Variants in KLHL14 observed in about 807,000 individuals in gnomAD.
KLHL14 encodes kelch-like protein 14.
In KLHL14, 22 loss-of-function variants were observed where a neutral mutation model predicts 64.3. The observed-to-expected ratio is 0.34, with a 90% CI of 0.24 to 0.49. The LOEUF (loss-of-function observed/expected upper bound fraction) is 0.49. Among genes scored for constraint, KLHL14 ranks in the 20% least tolerant of loss-of-function variants. KLHL14 has a pLI of 0.99. For synonymous variants in KLHL14, 322 were observed against 333.4 expected (o/e 0.97, Z 0.37); for missense variants, 661 against 789.0 (o/e 0.84, Z 1.94).
intron 3 of KLHL14, among the ~76,000 whole-genome samples, chr18:32,739,984 TA>T (rs2050187858): frequency 6.6e-6 from 1 of 152,200 alleles, no homozygotes; most frequent in South Asian, 2.1e-4. Flanking sequence ...AGATGATTTA[TA>T]AACACAATTT....
chr18:32,746,853 T>C (rs1302652499), intron 2 of KLHL14, among the ~76,000 whole-genome samples: 2 of 152,234 alleles, frequency 1.3e-5, no homozygotes, highest in African/African-American at 2.4e-5. Context: ...CTGAAGGCAT[T>C]AGAAATTTTG....
In KLHL14 at chr18:32,727,394, A is replaced by G. The variant is rs1429878814; in HGVS notation, c.1069+14534T>C. Among the ~76,000 whole-genome samples the G allele has an allele frequency of 2.6e-5, 4 of 152,214 alleles. 1 individual carries two copies. The South Asian group carries it at 8.3e-4, about 31-fold the overall frequency. ...GAAGCCCCAGTGCTGAGATTAGCAA[A>G]TGAACTGGGCATTAAAGATACATTT... On this transcript the variant is annotated intron_variant, in intron 3 of 8. Coordinates refer to ENST00000359358, the MANE Select transcript of KLHL14 (RefSeq NM_020805.3).
rs575189479 is a variant in KLHL14 at position 32,712,551 on chromosome 18, C to A, written c.1070-16999G>T. ...TTATGTCTTGCGTCATTAATTTTCC[C>A]CTCTTTATGAGATCTCTCCTATCAG... On this transcript the variant is annotated intron_variant, in intron 3 of 8. Transcript: ENST00000359358. Among the ~76,000 whole-genome samples, 4 of 152,188 alleles carry A rather than the reference C, an allele frequency of 2.6e-5. No homozygotes were observed. In the South Asian group the frequency reaches 8.3e-4, roughly 32 times the overall value.
chr18:32,688,609 A>G (rs577344401), intron 4 of KLHL14, among the ~76,000 whole-genome samples: 1 of 152,352 alleles, frequency 6.6e-6, no homozygotes, highest in East Asian at 1.9e-4. Context: ...GAAAGAATTA[A>G]GTCCTTGGGC....
In KLHL14 at chr18:32,683,280, A is replaced by G. The variant is rs1187612840; in HGVS notation, c.1239-2681T>C. Among the ~76,000 whole-genome samples, 2 of 152,176 alleles carry G rather than the reference A, an allele frequency of 1.3e-5. No individual in the cohort carries two copies. The highest frequency in any genetic ancestry group is 2.9e-5 in the Non-Finnish European group (2 of 68,028). On this transcript the variant is annotated intron_variant, in intron 5 of 8. Transcript: ENST00000359358. The surrounding 1 kb of genome is among the most constrained non-coding windows in gnomAD (Gnocchi z 4.2). The stretch of plus-strand genomic sequence containing the variant: ...ACTGTTAGGATCTAAATGGGAAAAA[A>G]TCAGCAGATTTCACTTCCTGATGAC...
At chr18:32,690,254 G>A (rs1047694552) in intron 4 of KLHL14, among the ~76,000 whole-genome samples, 28 of 152,292 alleles carry the variant, frequency 1.8e-4, no homozygotes, top group African/African-American at 6.7e-4. Context: ...ACATAAAGAG[G>A]CAGCAAACGG....
chr18:32,731,709 T>C (rs777400240), intron 3 of KLHL14, among the ~76,000 whole-genome samples: 2 of 151,944 alleles, frequency 1.3e-5, no homozygotes, highest in Non-Finnish European at 2.9e-5. Flanking sequence ...TTCTATGAGA[T>C]CTACGTGTAT....
Position 32,686,741 on chromosome 18 carries a change from T to C in KLHL14, c.1238+414A>G, listed in dbSNP as rs570760664. Among the ~76,000 whole-genome samples the C allele has an allele frequency of 3.3e-5, 5 of 152,250 alleles. No individual in the cohort carries two copies. The South Asian group carries it at 1.0e-3, about 32-fold the overall frequency. ...AAATATTGAATTTTAATATTGAATA[T>C]TGAATTTAATATTAAATAATTTAAT... On this transcript the variant is annotated intron_variant, in intron 5 of 8. Coordinates refer to ENST00000359358, the MANE Select transcript of KLHL14 (RefSeq NM_020805.3).
intron 3 of KLHL14, among the ~76,000 whole-genome samples, chr18:32,697,611 A>T (rs1385442059): frequency 1.3e-5 from 2 of 152,208 alleles, no homozygotes; most frequent in Admixed American, 6.6e-5. Flanking sequence ...CCAGCTTCAT[A>T]ATAAAGTACA....
At chr18:32,750,269 G>A (rs2050244731) in intron 2 of KLHL14, among the ~76,000 whole-genome samples, 2 of 152,132 alleles carry the variant, frequency 1.3e-5, no homozygotes, top group African/African-American at 4.8e-5. Context: ...GAGGATTATA[G>A]GGGTTCATAG....
At chr18:32,685,755 T>C (rs2049873893) in intron 5 of KLHL14, among the ~76,000 whole-genome samples, 1 of 152,188 alleles carries the variant, frequency 6.6e-6, no homozygotes, top group Non-Finnish European at 1.5e-5. Context: ...TTTAATATAT[T>C]TACCAGTATA....
At chr18:32,688,382 A>C (rs566179446) in intron 4 of KLHL14, among the ~76,000 whole-genome samples, 1 of 152,270 alleles carries the variant, frequency 6.6e-6, no homozygotes, top group South Asian at 2.1e-4. Context: ...TGTATTCTAG[A>C]CTCTGGAAAT....
chr18:32,681,366 C>T (rs754659791), intron 5 of KLHL14, among the ~76,000 whole-genome samples: 1 of 152,014 alleles, frequency 6.6e-6, no homozygotes, highest in Non-Finnish European at 1.5e-5. Flanking sequence ...TTTGAAGACA[C>T]TGAGGACCTG....
chr18:32,732,831 G>A (rs976313999), intron 3 of KLHL14, among the ~76,000 whole-genome samples: 1 of 152,206 alleles, frequency 6.6e-6, no homozygotes, highest in African/African-American at 2.4e-5. Context: ...AACTGAGATA[G>A]AAGAGTAGAA....
At chr18:32,704,313 A>G (rs533366497) in intron 3 of KLHL14, among the ~76,000 whole-genome samples, 70 of 152,308 alleles carry the variant, frequency 4.6e-4, no homozygotes, top group African/African-American at 1.6e-3. Flanking sequence ...TGTGGCCTAC[A>G]TAATGAGGAT....
chr18:32,696,941 C>G (rs1478767103), intron 3 of KLHL14, among the ~76,000 whole-genome samples: 1 of 152,142 alleles, frequency 6.6e-6, no homozygotes, highest in Non-Finnish European at 1.5e-5. Flanking sequence ...TACCTACTGA[C>G]TTATTTATTT....
chr18:32,685,022 C>T (rs2049869635), intron 5 of KLHL14, among the ~76,000 whole-genome samples: 1 of 151,936 alleles, frequency 6.6e-6, no homozygotes, highest in African/African-American at 2.4e-5. Flanking sequence ...TTTGGTCTAT[C>T]GAGTTGATTG....
chr18:32,722,775 CAT>C (rs2050086097), intron 3 of KLHL14, among the ~76,000 whole-genome samples: 1 of 152,130 alleles, frequency 6.6e-6, no homozygotes, highest in Non-Finnish European at 1.5e-5. Flanking sequence ...GCCTGGGCTA[CAT>C]AGTGAGACCC....
chr18:32,693,409 C>CAGAGAGAG (rs1300511311), intron 4 of KLHL14, among the ~76,000 whole-genome samples: 2 of 116,712 alleles, frequency 1.7e-5, no homozygotes, highest in African/African-American at 3.6e-5. Context: ...CACACACACA[C>CAGAGAGAG]ACACAGAGAG....
Sources: allele counts gnomAD v4.1 joint callset (sites outside exome capture counted in the v4.1 genomes callset), GRCh38; gene constraint gnomAD v4.1.1; non-coding constraint Gnocchi (gnomAD v3.1); transcripts MANE v1.5; gene names NCBI Gene and HGNC (gene_info 2026-07-23, HGNC 2026-07-21).